Variants in YTHDF1 observed in about 807,000 individuals in gnomAD.
The protein encoded by YTHDF1 is YTH N6-methyladenosine RNA binding protein F1.
YTHDF1 carries 16 observed loss-of-function variants against 49.1 expected under a neutral mutation model. That is an observed-to-expected ratio of 0.33 (90% CI 0.22 to 0.49). The LOEUF (loss-of-function observed/expected upper bound fraction) is 0.49, where lower values mean the gene tolerates loss of function less well. YTHDF1 is among the 20% of genes least tolerant of loss of function. The pLI is 0.99. For missense variants in YTHDF1, 621 were observed against 744.3 expected (o/e 0.83, Z 1.93); for synonymous variants, 313 against 290.1 (o/e 1.08, Z -0.80).
In YTHDF1 at chr20:63,202,409, C is replaced by G. The variant is rs2066521796; in HGVS notation, c.1531G>C (p.Val511Leu). The G allele has an allele frequency of 6.2e-7, 1 of 1,614,160 alleles. No individual in the cohort carries two copies. The highest frequency in any genetic ancestry group is 8.5e-7 in the Non-Finnish European group (1 of 1,180,062). The change falls in exon 4 of 5, where the codon GTG becomes CTG. Residue 511 changes from valine to leucine, a missense_variant. Val to Leu is a conservative substitution (Grantham distance 32). Coordinates refer to ENST00000370339, the MANE Select transcript of YTHDF1 (RefSeq NM_017798.4). ...ACTTGCTTGGCTTTTTCTAAGGGCA[C>G]CTCCTGGGTGTCCCGGGAGTTTGTG... The part of the protein sequence containing the change: ...PVTNSRDTQE[V>L]PLEKAKQVLK...
chr20:63,200,177 A>G (rs192801072), intron 4 of YTHDF1, among the ~76,000 whole-genome samples: 32 of 152,230 alleles, frequency 2.1e-4, no homozygotes, highest in Admixed American at 1.2e-3. Flanking sequence ...CCTGGCCAAC[A>G]TGGTGAAACC....
chr20:63,204,892 T>G (rs1405307466), intron 3 of YTHDF1, among the ~76,000 whole-genome samples: 1 of 151,704 alleles, frequency 6.6e-6, no homozygotes, highest in Non-Finnish European at 1.5e-5. Context: ...TCGTGTGAGG[T>G]GTGTCTGTAT....
At chr20:63,208,885 C>A (rs894649455) in intron 3 of YTHDF1, among the ~76,000 whole-genome samples, 12 of 152,110 alleles carry the variant, frequency 7.9e-5, no homozygotes, top group South Asian at 4.1e-4. Context: ...TGAAAAAAAA[C>A]CACCCAAAAC....
intron 3 of YTHDF1, among the ~76,000 whole-genome samples, chr20:63,209,536 G>A (rs543271895): frequency 2.6e-5 from 4 of 152,194 alleles, no homozygotes; most frequent in African/African-American, 4.8e-5. Flanking sequence ...CTGGGAGGCC[G>A]AGGCAGGAGG....
At chr20:63,214,412 A>G (rs2066591245) in intron 2 of YTHDF1, among the ~76,000 whole-genome samples, 1 of 152,224 alleles carries the variant, frequency 6.6e-6, no homozygotes, top group Non-Finnish European at 1.5e-5. Flanking sequence ...TGAACCCCAA[A>G]TATCTGAGAC....
Position 63,216,002 on chromosome 20 carries a change from C to T in YTHDF1, c.-110G>A, listed in dbSNP as rs2066600777. ...CGGCCCCGGGCCCCGCCGCCAATTC[C>T]CCGGGCGCCGGCCGGGCGGCGGCGG... is the stretch of plus-strand genomic sequence containing the variant. On this transcript the variant is annotated 5_prime_UTR_variant, in exon 1 of 5. Coordinates refer to ENST00000370339, the MANE Select transcript of YTHDF1 (RefSeq NM_017798.4). The T allele has an allele frequency of 1.9e-6, 2 of 1,025,992 alleles. No individual in the cohort carries two copies. The highest frequency in any genetic ancestry group is 9.2e-5 in the South Asian group (2 of 21,844). The allele number at this position is 1,025,992 out of a possible 1,614,324, so 63.6% of individuals were successfully genotyped here. A position where few individuals can be genotyped will look rare whatever the true frequency, so the allele number is the denominator to read the frequency against.
At chr20:63,207,881 C>T (rs2066555526) in intron 3 of YTHDF1, among the ~76,000 whole-genome samples, 1 of 151,994 alleles carries the variant, frequency 6.6e-6, no homozygotes, top group Admixed American at 6.5e-5. Context: ...GTCCCAGCTA[C>T]TCCGGAGCCT....
chr20:63,198,322 G>A (rs2066502031), intron 4 of YTHDF1, among the ~76,000 whole-genome samples: 1 of 151,864 alleles, frequency 6.6e-6, no homozygotes, highest in Non-Finnish European at 1.5e-5. Flanking sequence ...ACCGGCGCCT[G>A]TAATCCCAGC....
At chr20:63,209,078 C>T (rs1255970681) in intron 3 of YTHDF1, among the ~76,000 whole-genome samples, 1 of 152,206 alleles carries the variant, frequency 6.6e-6, no homozygotes, top group African/African-American at 2.4e-5. Context: ...TATCTAAACA[C>T]AGAAAAGGTA....
chr20:63,214,219 C>T (rs2066590193), intron 2 of YTHDF1: 3 of 682,898 alleles, frequency 4.4e-6, no homozygotes, highest in Non-Finnish European at 3.6e-6. Flanking sequence ...GCAAGGAACA[C>T]ATAACCAGGG....
rs373457427 is a variant in YTHDF1, at chr20:63,196,650, C to T, written c.*58G>A. 27 of 1,606,432 alleles carry T rather than the reference C, an allele frequency of 1.7e-5. No homozygotes were observed. The highest frequency in any genetic ancestry group is 2.0e-5 in the Non-Finnish European group (23 of 1,174,366). ...GACACACTGGAGCTGACCAAGCACA[C>T]GTGTTTTAAACTGTTTTCAAAGTCA... On this transcript the variant is annotated 3_prime_UTR_variant, in exon 5 of 5. Coordinates refer to ENST00000370339, the MANE Select transcript of YTHDF1 (RefSeq NM_017798.4).
At position 63,215,894 on chromosome 20, in the gene YTHDF1, C is replaced by T; in HGVS notation, c.-2G>A. The T allele has an allele frequency of 7.0e-7, 1 of 1,437,970 alleles. No individual in the cohort carries two copies. Among genetic ancestry groups the T allele is most frequent in the East Asian group, 3.1e-5 (1 of 32,298 alleles). 89.1% of individuals were successfully genotyped at this position (1,437,970 alleles called of 1,614,324 possible). ...GGTGTCCACGCTGGTGGCCGACATG[C>T]TTCATGAACAACTAGACGCGGGGCC... On this transcript the variant is annotated 5_prime_UTR_variant, in exon 1 of 5. Transcript: ENST00000370339.
At chr20:63,196,848 C>A in intron 4 of YTHDF1, 114 bp from the exon 5 acceptor site, 11 of 1,242,086 alleles carry the variant, frequency 8.9e-6, no homozygotes, top group Non-Finnish European at 1.1e-5. Flanking sequence ...GAGGCGGGAC[C>A]CTGAATGGTA....
chr20:63,207,272 T>C (rs569128760), intron 3 of YTHDF1, among the ~76,000 whole-genome samples: 5 of 151,590 alleles, frequency 3.3e-5, no homozygotes, highest in Admixed American at 6.6e-5. Flanking sequence ...ATCAAGACCA[T>C]CCTGGCTAAC....
At chr20:63,215,313 C>T (rs2066596136) in intron 2 of YTHDF1, among the ~76,000 whole-genome samples, 1 of 152,226 alleles carries the variant, frequency 6.6e-6, no homozygotes, top group Non-Finnish European at 1.5e-5. Flanking sequence ...GCTCTCCTAC[C>T]TCCCCTTCCC....
In YTHDF1 at chr20:63,215,621, G is replaced by C. The variant is rs774199443; in HGVS notation, c.28-20C>G. 1.2e-6 allele frequency: 2 copies of C among 1,606,296 alleles called. No homozygotes were observed. The highest frequency in any genetic ancestry group is 1.7e-6 in the Non-Finnish European group (2 of 1,176,492). ...TGTTCTCTGCACCGCCGCAGGCCGG[G>C]ACGTGGGGTACACACAACCCGGGGG... is the stretch of plus-strand genomic sequence containing the variant. On this transcript the variant is annotated intron_variant, in intron 1 of 4. Transcript: ENST00000370339.
intron 1 of YTHDF1, 31 bp downstream of exon 1, chr20:63,215,835 G>A: frequency 1.4e-6 from 2 of 1,453,728 alleles, no homozygotes; most frequent in Non-Finnish European, 1.8e-6. Context: ...CCTCGGCCCC[G>A]GCCGCGGCCC....
chr20:63,202,386 T>C lies in YTHDF1; in HGVS notation c.1554A>G (p.Gln518=). The change falls in exon 4 of 5, where the codon CAA becomes CAG. Residue 518 remains glutamine (Q), a synonymous_variant. Transcript: ENST00000370339. ...TGTAGGAACTGATAATTTTCAGCAC[T>C]TGCTTGGCTTTTTCTAAGGGCACCT... The part of the protein sequence containing the change: ...TQEVPLEKAK[Q]VLKIISSYKH... 2 of 1,614,298 alleles carry C rather than the reference T, an allele frequency of 1.2e-6. No homozygotes were observed. Among genetic ancestry groups the C allele is most frequent in the Non-Finnish European group, 1.7e-6 (2 of 1,180,056 alleles).
Position 63,196,471 on chromosome 20 carries a change from G to T in YTHDF1, c.*237C>A, listed in dbSNP as rs1290170559. Reference sequence around the variant, plus strand: ...GATACTTACATTTCACATTAGATCAGTCTGATTGATAAGCTGACAAAAAAA... The same window carrying T: ...GATACTTACATTTCACATTAGATCATTCTGATTGATAAGCTGACAAAAAAA... On this transcript the variant is annotated 3_prime_UTR_variant, in exon 5 of 5. Transcript: ENST00000370339. The T allele has an allele frequency of 6.9e-6, 3 of 432,798 alleles. No individual in the cohort carries two copies. Among genetic ancestry groups the T allele is most frequent in the Non-Finnish European group, 1.2e-5 (3 of 242,174 alleles). 26.8% of individuals were successfully genotyped at this position (432,798 alleles called of 1,614,324 possible). A position where few individuals can be genotyped will look rare whatever the true frequency, so the allele number is the denominator to read the frequency against.
Sources: allele counts gnomAD v4.1 joint callset (sites outside exome capture counted in the v4.1 genomes callset), GRCh38; gene constraint gnomAD v4.1.1; transcripts MANE v1.5; gene names NCBI Gene and HGNC (gene_info 2026-07-23, HGNC 2026-07-21).